ZNF141: variants seen among roughly 807,000 people sequenced by gnomAD.
ZNF141 encodes the protein zinc finger protein 141.
In ZNF141, 7 loss-of-function variants were observed where a neutral mutation model predicts 11.3. That is an observed-to-expected ratio of 0.62 (90% CI 0.35 to 1.16). The LOEUF (loss-of-function observed/expected upper bound fraction) is 1.16. Ranked by LOEUF, ZNF141 falls within the 50% of genes most tolerant of loss-of-function variation. The probability of loss-of-function intolerance (pLI) is 0.02; values close to 1 mark genes in which losing one functional copy is unlikely to be tolerated. For synonymous variants in ZNF141, 183 were observed against 190.7 expected, an observed-to-expected ratio of 0.96 and a Z score of 0.33; for missense variants, 535 against 554.0, an observed-to-expected ratio of 0.97 and a Z score of 0.34.
rs1712651433 is a variant in ZNF141, at chr4:382,099, C to T, written c.*8237C>T. ...TAGCTGGGACTACAGGCACCTGCTA[C>T]CATGCCCGGCTAATTTTTTTGTATT... is the stretch of plus-strand genomic sequence containing the variant. On this transcript the variant is annotated 3_prime_UTR_variant, in exon 4 of 4. Transcript: ENST00000240499. Among the ~76,000 whole-genome samples the T allele has an allele frequency of 6.6e-6, 1 of 151,936 alleles. No individual in the cohort carries two copies. Among genetic ancestry groups the T allele is most frequent in the African/African-American group, 2.4e-5 (1 of 41,318 alleles).
chr4:372,774 T>G lies in ZNF141; in HGVS notation c.337T>G (p.Leu113Val). The G allele has an allele frequency of 6.2e-7, 1 of 1,613,854 alleles. No individual in the cohort carries two copies. Among genetic ancestry groups the G allele is most frequent in the Non-Finnish European group, 8.5e-7 (1 of 1,179,880 alleles). The change falls in exon 4 of 4, where the codon TTA becomes GTA. Residue 113 changes from leucine to valine, a missense_variant. Coordinates refer to ENST00000240499, the MANE Select transcript of ZNF141 (RefSeq NM_003441.4). ...GAAATGTGGACATGATAATTTACAA[T>G]TAAGAAAAGGCTGTAAAAGTTTGAA... ...YEKCGHDNLQ[L>V]RKGCKSLNEC... is the part of the protein sequence containing the mutation.
At chr4:364,853 A>G (rs1711661089) in intron 3 of ZNF141, among the ~76,000 whole-genome samples, 2 of 147,380 alleles carry the variant, frequency 1.4e-5, no homozygotes, top group Non-Finnish European at 3.0e-5. Context: ...GAGAACCACG[A>G]TTCTCTTCAG....
chr4:338,981 G>T (rs998279947), intron 1 of ZNF141, among the ~76,000 whole-genome samples: 5 of 152,326 alleles, frequency 3.3e-5, no homozygotes, highest in South Asian at 2.1e-4. Flanking sequence ...GTCTCCTCCC[G>T]GGGAGAGAGG....
chr4:338,577 A>G (rs567867079), intron 1 of ZNF141: 1 of 154,976 alleles, frequency 6.5e-6, no homozygotes, highest in Admixed American at 6.4e-5. Flanking sequence ...CTTTTAGAAT[A>G]CGCTAGTGTG....
intron 3 of ZNF141, among the ~76,000 whole-genome samples, chr4:362,363 G>T (rs1372284986): frequency 6.6e-6 from 1 of 152,160 alleles, no homozygotes; most frequent in Non-Finnish European, 1.5e-5. Flanking sequence ...CTTTTGCTGT[G>T]CAGAAGCTCT....
chr4:344,531 C>T (rs1553849227), intron 3 of ZNF141, 101 bp downstream of exon 3: 1 of 952,898 alleles, frequency 1.0e-6, no homozygotes. Context: ...TGCAGTGGCT[C>T]ATGCCTGTAA....
At chr4:343,724 CAAAAAAAAA>C (rs35268031) in intron 1 of ZNF141, 49 bp from the exon 2 acceptor site, 21 of 875,820 alleles carry the variant, frequency 2.4e-5, no homozygotes, top group Admixed American at 1.0e-4. Flanking sequence ...GACTCCGTCT[CAAAAAAAAA>C]AAAAAAAAAA....
At chr4:359,293 G>A (rs551080621) in intron 3 of ZNF141, among the ~76,000 whole-genome samples, 2 of 151,496 alleles carry the variant, frequency 1.3e-5, no homozygotes, top group Non-Finnish European at 1.5e-5. Context: ...TAAGACTGGT[G>A]CTGAGAAAAA....
At chr4:365,020 A>ACT (rs1386311347) in intron 3 of ZNF141, among the ~76,000 whole-genome samples, 1 of 152,006 alleles carries the variant, frequency 6.6e-6, no homozygotes. Context: ...TTGTTTACTT[A>ACT]CTCAAGCCTC....
intron 3 of ZNF141, among the ~76,000 whole-genome samples, chr4:356,023 A>T (rs569776046): frequency 4.6e-5 from 7 of 152,072 alleles, no homozygotes; most frequent in African/African-American, 1.2e-4. Flanking sequence ...ACAGGTCACG[A>T]GTTTGAGACC....
At chr4:350,554 T>C (rs1424052389) in intron 3 of ZNF141, among the ~76,000 whole-genome samples, 2 of 152,216 alleles carry the variant, frequency 1.3e-5, no homozygotes, top group Non-Finnish European at 2.9e-5. Flanking sequence ...TTTTCACTTT[T>C]GTAAATTATA....
chr4:354,964 A>G (rs1040168634), intron 3 of ZNF141, among the ~76,000 whole-genome samples: 2 of 152,090 alleles, frequency 1.3e-5, no homozygotes, highest in South Asian at 2.1e-4. Flanking sequence ...GATTTATGAC[A>G]GGTCTTGGAG....
At position 384,014 on chromosome 4, in the gene ZNF141, T is replaced by G. The variant is rs1712794146; in HGVS notation, c.*10152T>G. ...ATTCCTTTGTGTGCTTTGTTCAATTTTTTTGTTCGAAATGTCAAGGACCTG... is the reference window on the plus strand; with the variant it reads ...ATTCCTTTGTGTGCTTTGTTCAATTGTTTTGTTCGAAATGTCAAGGACCTG... On this transcript the variant is annotated 3_prime_UTR_variant, in exon 4 of 4. Transcript: ENST00000240499. The G allele has an allele frequency of 6.6e-6, 1 of 152,222 alleles. No individual in the cohort carries two copies. Among genetic ancestry groups the G allele is most frequent in the Non-Finnish European group, 1.5e-5 (1 of 68,072 alleles). 9.4% of individuals were successfully genotyped at this position (152,222 alleles called of 1,614,324 possible). A position where few individuals can be genotyped will look rare whatever the true frequency, so the allele number is the denominator to read the frequency against.
In ZNF141 at chr4:367,609, C is replaced by T. The variant is rs1366729310; in HGVS notation, c.227-5055C>T. ...TCAGTTCACTGCAACCTCTGCCTCC[C>T]AGGTTCAAGCGATTCTTCTGCCTCA... On this transcript the variant is annotated intron_variant, in intron 3 of 3. Transcript: ENST00000240499. Among the ~76,000 whole-genome samples the T allele has an allele frequency of 2.6e-5, 4 of 151,544 alleles. No homozygotes were observed. The East Asian group carries it at 7.7e-4, about 29-fold the overall frequency.
chr4:369,762 ATATTTT>A (rs1285870789), intron 3 of ZNF141, among the ~76,000 whole-genome samples: 2 of 33,528 alleles, frequency 6.0e-5, no homozygotes, highest in Non-Finnish European at 1.0e-4. Flanking sequence ...ATATATATAT[ATATTTT>A]TTTTTTTTTT....
intron 3 of ZNF141, among the ~76,000 whole-genome samples, chr4:359,866 A>G (rs1581608118): frequency 1.3e-5 from 2 of 152,318 alleles, no homozygotes; most frequent in Non-Finnish European, 2.9e-5. Flanking sequence ...TTTCTTCCAC[A>G]TCATGACTGA....
intron 3 of ZNF141, among the ~76,000 whole-genome samples, chr4:357,504 T>G (rs1421731193): frequency 6.6e-6 from 1 of 152,054 alleles, no homozygotes; most frequent in Admixed American, 6.6e-5. Context: ...TATGAGGTTC[T>G]TGCTATAGAG....
intron 3 of ZNF141, among the ~76,000 whole-genome samples, chr4:372,220 G>A (rs1241545055): frequency 6.6e-6 from 1 of 152,176 alleles, no homozygotes; most frequent in African/African-American, 2.4e-5. Context: ...ATTTCTATCA[G>A]CACTCTGTGG....
At position 344,351 on chromosome 4, in the gene ZNF141, C is replaced by A. The variant is rs1553849130; in HGVS notation, c.147C>A (p.Asn49Lys). 12 of 1,607,728 alleles carry A rather than the reference C, an allele frequency of 7.5e-6. No homozygotes were observed. The highest frequency in any genetic ancestry group is 5.1e-6 in the Non-Finnish European group (6 of 1,175,716). The part of the protein sequence containing the change: ...NLVSLGVAIS[N>K]PDLVTCLEQR... The stretch of plus-strand genomic sequence containing the variant: ...ATAAAACAGGTGTTGCTATCTCTAA[C>A]CCAGACCTGGTCACCTGTCTGGAGC... Residue 49 changes from asparagine (N) to lysine (K), a missense_variant, in exon 3 of 4, where the codon AAC becomes AAA. Coordinates refer to ENST00000240499, the MANE Select transcript of ZNF141 (RefSeq NM_003441.4).
Sources: allele counts gnomAD v4.1 joint callset (sites outside exome capture counted in the v4.1 genomes callset), GRCh38; gene constraint gnomAD v4.1.1; transcripts MANE v1.5; gene names NCBI Gene and HGNC (gene_info 2026-07-23, HGNC 2026-07-21).